The following ZNF727 variants were observed in gnomAD, a reference collection of about 807,000 sequenced individuals.
ZNF727 encodes the protein putative zinc finger protein 727.
Under a neutral mutation model 11.5 loss-of-function variants are expected in ZNF727, and 11 were observed. The ratio of observed to expected loss-of-function variants is 0.95; its 90% CI spans 0.60 to 1.58. ZNF727 has a LOEUF of 1.58. Among genes scored for constraint, ZNF727 ranks in the 40% most tolerant of loss-of-function variants. The probability of loss-of-function intolerance (pLI) is 0.00; values close to 1 mark genes in which losing one functional copy is unlikely to be tolerated. For synonymous variants in ZNF727, 171 were observed against 196.1 expected, an observed-to-expected ratio of 0.87 and a Z score of 1.07; for missense variants, 533 against 581.7, an observed-to-expected ratio of 0.92 and a Z score of 0.86.
intron 1 of ZNF727, among the ~76,000 whole-genome samples, chr7:64,047,522 T>A (rs978734516): frequency 6.6e-6 from 1 of 152,144 alleles, no homozygotes; most frequent in African/African-American, 2.4e-5. Flanking sequence ...CTCTCCTGTA[T>A]TTTCCTGGTT....
At chr7:64,062,148 AAG>A (rs1303520513) in intron 1 of ZNF727, among the ~76,000 whole-genome samples, 1 of 152,040 alleles carries the variant, frequency 6.6e-6, no homozygotes, top group Non-Finnish European at 1.5e-5. Context: ...GAGGTAGAGA[AAG>A]AGTTATTTTT....
intron 1 of ZNF727, among the ~76,000 whole-genome samples, chr7:64,058,474 A>G (rs1205578308): frequency 6.6e-6 from 1 of 152,168 alleles, no homozygotes; most frequent in Non-Finnish European, 1.5e-5. Context: ...ACAAGGGCCT[A>G]GAGGACTTTA....
intron 1 of ZNF727, among the ~76,000 whole-genome samples, chr7:64,047,046 G>A (rs752460360): frequency 2.6e-4 from 39 of 152,004 alleles, no homozygotes; most frequent in South Asian, 8.3e-4. Flanking sequence ...GTTTCCTTAG[G>A]CAGAATCCCA....
intron 1 of ZNF727, among the ~76,000 whole-genome samples, chr7:64,046,468 T>C (rs1184764379): frequency 1.3e-5 from 2 of 152,176 alleles, no homozygotes; most frequent in African/African-American, 4.8e-5. Context: ...CATGAATAGT[T>C]TAGCACCATT....
intron 1 of ZNF727, among the ~76,000 whole-genome samples, chr7:64,065,399 G>A (rs2116304581): frequency 6.6e-6 from 1 of 152,202 alleles, no homozygotes; most frequent in South Asian, 2.1e-4. Context: ...TTTTTATTTA[G>A]GAGTTTACTG....
In ZNF727 at chr7:64,080,299, A is replaced by T. The variant is rs890391930; in HGVS notation, c.*1750A>T. 2.6e-5 allele frequency among the ~76,000 whole-genome samples: 4 copies of T among 151,860 alleles called. No homozygotes were observed. Among genetic ancestry groups the T allele is most frequent in the African/African-American group, 9.7e-5 (4 of 41,330 alleles). On this transcript the variant is annotated 3_prime_UTR_variant, in exon 4 of 4. Transcript: ENST00000456806. ...TTTCAAGCACTCTCTTTAATTATAG[A>T]TTTGGTTTATTTACATAATCTGTTA...
In ZNF727 at chr7:64,077,374, A is replaced by G. The variant is rs1337666019; in HGVS notation, c.325A>G (p.Asn109Asp). The change falls in exon 4 of 4, where the codon AAT becomes GAT. Residue 109 changes from asparagine to aspartate, a missense_variant. By Grantham distance (23) the Asn-to-Asp change is conservative. This residue lies in a region of ZNF727 where 463 missense variants were observed against 494.5 expected (regional missense o/e 0.94). Transcript: ENST00000456806. ...GAGAAAATCTGGAAGCTGTGACCTTAATACTTTACGTTTAAAGAAAGACTA... is the reference window on the plus strand; with the variant it reads ...GAGAAAATCTGGAAGCTGTGACCTTGATACTTTACGTTTAAAGAAAGACTA... ...ILRKSGSCDL[N>D]TLRLKKDYQR... 1.3e-6 allele frequency: 2 copies of G among 1,551,666 alleles called. No homozygotes were observed. The highest frequency in any genetic ancestry group is 1.7e-6 in the Non-Finnish European group (2 of 1,146,954).
At chr7:64,069,481 C>G (rs1055398929) in intron 2 of ZNF727, 33 bp from the exon 3 acceptor site, 1 of 1,483,218 alleles carries the variant, frequency 6.7e-7, no homozygotes, top group Non-Finnish European at 9.2e-7. Flanking sequence ...ATTATCCTAG[C>G]AAGAGTCATG....
chr7:64,069,907 A>G (rs1789933875), intron 3 of ZNF727, among the ~76,000 whole-genome samples: 1 of 152,034 alleles, frequency 6.6e-6, no homozygotes, highest in Non-Finnish European at 1.5e-5. Flanking sequence ...GCCTTAAAAG[A>G]AAATGTGTGA....
At position 64,045,466 on chromosome 7, in the gene ZNF727, T is replaced by C. The variant is rs1789485473; in HGVS notation, c.-156T>C. 4 of 1,085,850 alleles carry C rather than the reference T, an allele frequency of 3.7e-6. No homozygotes were observed. Among genetic ancestry groups the C allele is most frequent in the East Asian group, 2.6e-5 (1 of 38,728 alleles). 67.3% of individuals were successfully genotyped at this position (1,085,850 alleles called of 1,614,324 possible). On this transcript the variant is annotated 5_prime_UTR_variant, in exon 1 of 4. Coordinates refer to ENST00000456806, the MANE Select transcript of ZNF727 (RefSeq NM_001159522.3). The stretch of plus-strand genomic sequence containing the variant: ...TCAATATGGCAAGGCCTTCGTCTCC[T>C]AGCTTCTAGGCTCTGAGTCCAGTAC...
intron 3 of ZNF727, among the ~76,000 whole-genome samples, chr7:64,076,159 C>T (rs1432740935): frequency 5.9e-5 from 9 of 152,010 alleles, no homozygotes; most frequent in East Asian, 3.9e-4. Context: ...AAACAATATT[C>T]GGACAGAAGT....
chr7:64,058,558 C>G (rs1789721371), intron 1 of ZNF727, among the ~76,000 whole-genome samples: 1 of 152,096 alleles, frequency 6.6e-6, no homozygotes, highest in South Asian at 2.1e-4. Flanking sequence ...TGATCATAGT[C>G]TCTTCTACCT....
At position 64,068,995 on chromosome 7, in the gene ZNF727, C is replaced by T; in HGVS notation, c.108C>T (p.Asn36=). The change falls in exon 2 of 4, where the codon AAC becomes AAT. Residue 36 remains asparagine (N), a synonymous_variant. Coordinates refer to ENST00000456806, the MANE Select transcript of ZNF727 (RefSeq NM_001159522.3). ...QRLYRDVMLE[N]YGNLFSLGLA... ...TGTATAGGGATGTGATGTTAGAGAA[C>T]TACGGAAACCTGTTCTCCTTGGGTG... is the stretch of plus-strand genomic sequence containing the variant. 1 of 1,604,390 alleles carries T rather than the reference C, an allele frequency of 6.2e-7. No homozygotes were observed. Among genetic ancestry groups the T allele is most frequent in the Non-Finnish European group, 8.5e-7 (1 of 1,174,952 alleles).
intron 1 of ZNF727, among the ~76,000 whole-genome samples, chr7:64,064,254 G>T (rs1312626014): frequency 6.6e-6 from 1 of 152,094 alleles, no homozygotes; most frequent in Non-Finnish European, 1.5e-5. Flanking sequence ...CAACCCCCAA[G>T]GGCTGCAAGA....
At chr7:64,061,845 T>C (rs1789776279) in intron 1 of ZNF727, among the ~76,000 whole-genome samples, 1 of 144,592 alleles carries the variant, frequency 6.9e-6, no homozygotes, top group Non-Finnish European at 1.5e-5. Context: ...TATTTTTTGA[T>C]TTTATGTATG....
intron 1 of ZNF727, among the ~76,000 whole-genome samples, chr7:64,059,125 A>G (rs149585626): frequency 0.025 from 3,872 of 152,098 alleles, 121 homozygotes; most frequent in South Asian, 0.11. Context: ...TTGTATTTTT[A>G]ATAGAGACGG....
intron 3 of ZNF727, among the ~76,000 whole-genome samples, chr7:64,076,453 A>G (rs543143623): frequency 6.6e-4 from 101 of 152,254 alleles, no homozygotes; most frequent in African/African-American, 2.3e-3. Flanking sequence ...TCTAGTAAAC[A>G]TACAAAATTA....
chr7:64,068,762 G>T, intron 1 of ZNF727, 129 bp from the exon 2 acceptor site: 1 of 1,116,792 alleles, frequency 9.0e-7, no homozygotes, highest in South Asian at 1.5e-5. Context: ...TTCTGTGCTA[G>T]AAAGTATCCT....
At position 64,082,943 on chromosome 7, in the gene ZNF727, A is replaced by G. The variant is rs188359251; in HGVS notation, c.*4394A>G. ...TTGTAGGACAGCTCTGCTGTGCAGA[A>G]GTACCACTTCCACCCCCAGTTTATT... On this transcript the variant is annotated 3_prime_UTR_variant, in exon 4 of 4. Coordinates refer to ENST00000456806, the MANE Select transcript of ZNF727 (RefSeq NM_001159522.3). Among the ~76,000 whole-genome samples the G allele has an allele frequency of 6.6e-6, 1 of 152,292 alleles. No individual in the cohort carries two copies. The highest frequency in any genetic ancestry group is 2.4e-5 in the African/African-American group (1 of 41,584).
Sources: gnomAD v4.1 joint callset for allele counts (sites outside exome capture counted in the v4.1 genomes callset) on GRCh38, gnomAD v4.1.1 for gene constraint, gnomAD v4.1.1 regional missense constraint, MANE v1.5 for transcripts, NCBI Gene and HGNC (gene_info 2026-07-23, HGNC 2026-07-21) for gene names.